Variants in ILDR2 observed in about 807,000 individuals in gnomAD.
The protein encoded by ILDR2 is immunoglobulin-like domain-containing receptor 2.
ILDR2 carries 25 observed loss-of-function variants against 66.8 expected under a neutral mutation model. The ratio of observed to expected loss-of-function variants is 0.37; its 90% CI spans 0.27 to 0.52. ILDR2 has a LOEUF of 0.52. ILDR2 is among the 20% of genes least tolerant of loss of function. The probability of loss-of-function intolerance (pLI) is 0.88; values close to 1 mark genes in which losing one functional copy is unlikely to be tolerated. For synonymous variants in ILDR2, 367 were observed against 357.2 expected (o/e 1.03, Z -0.31); for missense variants, 827 against 876.8 (o/e 0.94, Z 0.72).
At chr1:166,960,874 A>G (rs1662570610) in intron 1 of ILDR2, among the ~76,000 whole-genome samples, 1 of 152,220 alleles carries the variant, frequency 6.6e-6, no homozygotes. Context: ...ATTCTAGCGC[A>G]TTAATTTTTT....
chr1:166,913,023 A>G lies in ILDR2; in HGVS notation c.*6332T>C, dbSNP rs940058762. On this transcript the variant is annotated 3_prime_UTR_variant, in exon 10 of 10. Transcript: ENST00000271417. Reference sequence around the variant, plus strand: ...CTAGCTTATTACAATCTGTAAAAGCATACCTTTTGCTCTGTCAGTACCAGC... The same window carrying G: ...CTAGCTTATTACAATCTGTAAAAGCGTACCTTTTGCTCTGTCAGTACCAGC... 1 of 152,252 alleles carries G rather than the reference A, an allele frequency of 6.6e-6. No individual in the cohort carries two copies. The highest frequency in any genetic ancestry group is 1.5e-5 in the Non-Finnish European group (1 of 68,046). The allele number at this position is 152,252 out of a possible 1,614,324, so 9.4% of individuals were successfully genotyped here.
At chr1:166,946,492 T>G (rs1434488253) in intron 3 of ILDR2, among the ~76,000 whole-genome samples, 2 of 152,104 alleles carry the variant, frequency 1.3e-5, no homozygotes, top group Non-Finnish European at 2.9e-5. Context: ...TTTTGTTTTT[T>G]GTTTTTGTTT....
At position 166,919,408 on chromosome 1, in the gene ILDR2, G is replaced by A. The variant is rs781140871; in HGVS notation, c.1885-18C>T. 7.5e-6 allele frequency: 12 copies of A among 1,602,040 alleles called. No individual in the cohort carries two copies. Among genetic ancestry groups the A allele is most frequent in the South Asian group, 2.2e-5 (2 of 90,352 alleles). The stretch of plus-strand genomic sequence containing the variant: ...AAGTCATTCTAGGAAAGAGCAGAAA[G>A]AGCCCAACATTAAGCCACATGCTAG... On this transcript the variant is annotated intron_variant, in intron 9 of 9. Coordinates refer to ENST00000271417, the MANE Select transcript of ILDR2 (RefSeq NM_199351.3).
At chr1:166,970,938 C>T (rs73026741) in intron 1 of ILDR2, among the ~76,000 whole-genome samples, 8,632 of 152,136 alleles carry the variant, frequency 0.057, 494 homozygotes, top group African/African-American at 0.15. Context: ...AAAGAGATAA[C>T]GGAAGTTGAG....
chr1:166,955,140 T>C (rs1254408285), intron 3 of ILDR2, among the ~76,000 whole-genome samples: 1 of 152,238 alleles, frequency 6.6e-6, no homozygotes, highest in Non-Finnish European at 1.5e-5. Flanking sequence ...CTATGTTCTT[T>C]ACAATGTCAA....
intron 1 of ILDR2, among the ~76,000 whole-genome samples, chr1:166,963,748 A>G (rs1057470445): frequency 6.6e-6 from 1 of 152,142 alleles, no homozygotes; most frequent in Non-Finnish European, 1.5e-5. Flanking sequence ...AATATTTCCA[A>G]CCCTTTGACT....
chr1:166,953,618 CCA>C lies in ILDR2; in HGVS notation c.499+3113_499+3114del, dbSNP rs1030735248. Among the ~76,000 whole-genome samples the C allele has an allele frequency of 2.6e-5, 4 of 152,156 alleles. No homozygotes were observed. The East Asian group carries it at 7.7e-4, about 29-fold the overall frequency. ...CTTAGCCCTGACCTACTGCAAAAGA[CCA>C]CAGTTTATTCTTCTGGGTTCCTTGT... On this transcript the variant is annotated intron_variant, in intron 3 of 9. Coordinates refer to ENST00000271417, the MANE Select transcript of ILDR2 (RefSeq NM_199351.3).
intron 4 of ILDR2, among the ~76,000 whole-genome samples, chr1:166,939,246 G>GGTCA: frequency 6.6e-6 from 1 of 152,162 alleles, no homozygotes; most frequent in Non-Finnish European, 1.5e-5. Flanking sequence ...AATGGGCATG[G>GGTCA]AGATTGCCAA....
chr1:166,929,277 G>A (rs1410969813), intron 6 of ILDR2, among the ~76,000 whole-genome samples: 1 of 152,210 alleles, frequency 6.6e-6, no homozygotes, highest in Non-Finnish European at 1.5e-5. Flanking sequence ...TCATTATCAG[G>A]AGCTGCTCAA....
chr1:166,958,112 G>T lies in ILDR2; in HGVS notation c.47-11C>A, dbSNP rs369183145. The T allele has an allele frequency of 1.2e-5, 19 of 1,599,796 alleles. No homozygotes were observed. The Admixed American group carries it at 2.2e-4, about 18-fold the overall frequency. The stretch of plus-strand genomic sequence containing the variant: ...GGCCTTCGACCATGGCTGCAAAACA[G>T]AATAAACATGTCCGAACAGTGTCCA... On this transcript the variant is annotated splice_polypyrimidine_tract_variant and intron_variant, in intron 1 of 9. Transcript: ENST00000271417.
intron 6 of ILDR2, among the ~76,000 whole-genome samples, chr1:166,934,982 T>C (rs758412505): frequency 1.4e-4 from 22 of 152,284 alleles, no homozygotes; most frequent in Non-Finnish European, 2.9e-4. Flanking sequence ...CTCACAGTAG[T>C]AGTGGACTCC....
At chr1:166,956,909 A>G (rs527511616) in intron 2 of ILDR2, 57 bp from the exon 3 acceptor site, 2 of 1,586,494 alleles carry the variant, frequency 1.3e-6, no homozygotes, top group East Asian at 4.5e-5. Flanking sequence ...AAAGAAAAAC[A>G]CTAAACAATG....
chr1:166,974,951 A>G (rs1663506134), intron 1 of ILDR2, among the ~76,000 whole-genome samples: 1 of 152,054 alleles, frequency 6.6e-6, no homozygotes, highest in South Asian at 2.1e-4. Flanking sequence ...CTCAGCGCCA[A>G]TGAGTCAAAC....
In ILDR2 at chr1:166,972,233, AAAAG is replaced by A. The variant is rs200181568; in HGVS notation, c.46+2986_46+2989del. 9.4e-3 allele frequency among the ~76,000 whole-genome samples: 1,423 copies of A among 152,152 alleles called. 10 individuals are homozygous for A. The highest frequency in any genetic ancestry group is 0.013 in the Admixed American group (205 of 15,292). Reference sequence around the variant, plus strand: ...TCTCTCAAAAAAAAAAAAGAAAAGAAAAAGAAATGCTAATTCATCAAGCAATCTT... The same window carrying A: ...TCTCTCAAAAAAAAAAAAGAAAAGAAAAATGCTAATTCATCAAGCAATCTT... On this transcript the variant is annotated intron_variant, in intron 1 of 9. Transcript: ENST00000271417.
chr1:166,961,444 A>G (rs1052040967), intron 1 of ILDR2, among the ~76,000 whole-genome samples: 1 of 152,236 alleles, frequency 6.6e-6, no homozygotes. Context: ...AAAAATAAAA[A>G]TAAAAAATAC....
At chr1:166,925,096 C>T (rs1660199262) in intron 7 of ILDR2, among the ~76,000 whole-genome samples, 1 of 152,116 alleles carries the variant, frequency 6.6e-6, no homozygotes, top group Admixed American at 6.5e-5. Flanking sequence ...AGACTAAAAA[C>T]ATCCCCTAAA....
intron 7 of ILDR2, among the ~76,000 whole-genome samples, chr1:166,926,847 C>T (rs1395640927): frequency 6.6e-6 from 1 of 151,922 alleles, no homozygotes; most frequent in African/African-American, 2.4e-5. Flanking sequence ...AGAAAACCAA[C>T]ATAAACCAAG....
intron 3 of ILDR2, among the ~76,000 whole-genome samples, chr1:166,939,830 G>T (rs1360531242): frequency 6.6e-6 from 1 of 152,190 alleles, no homozygotes; most frequent in Non-Finnish European, 1.5e-5. Flanking sequence ...ATTTATAGGA[G>T]GAGGAAATCT....
rs1020883735 is a variant in ILDR2 at position 166,936,099 on chromosome 1, A to G, written c.703+492T>C. The stretch of plus-strand genomic sequence containing the variant: ...GTAAGGTAAAAATTGTGAATCCTCA[A>G]ATAAGAACTAGGCCCTATTGTGGCC... On this transcript the variant is annotated intron_variant, in intron 5 of 9. Transcript: ENST00000271417. The surrounding 1 kb of genome is among the most constrained non-coding windows in gnomAD (Gnocchi z 5.0). 6.6e-6 allele frequency among the ~76,000 whole-genome samples: 1 copy of G among 152,194 alleles called. No individual in the cohort carries two copies. The highest frequency in any genetic ancestry group is 1.5e-5 in the Non-Finnish European group (1 of 68,036).
Sources: allele counts gnomAD v4.1 joint callset (sites outside exome capture counted in the v4.1 genomes callset), GRCh38; gene constraint gnomAD v4.1.1; non-coding constraint Gnocchi (gnomAD v3.1); transcripts MANE v1.5; gene names NCBI Gene and HGNC (gene_info 2026-07-23, HGNC 2026-07-21).